DCC: variants seen among roughly 807,000 people sequenced by gnomAD.
The protein encoded by DCC is DCC netrin 1 receptor.
DCC carries 58 observed loss-of-function variants against 172.5 expected under a neutral mutation model. The observed-to-expected ratio is 0.34, with a 90% CI of 0.27 to 0.42. DCC has a LOEUF of 0.42. Among genes scored for constraint, DCC ranks in the 10% least tolerant of loss-of-function variants. The pLI is 1.00. For missense variants in DCC, 1,740 were observed against 1,791.0 expected, an observed-to-expected ratio of 0.97 and a Z score of 0.51; for synonymous variants, 709 against 644.5, an observed-to-expected ratio of 1.10 and a Z score of -1.52.
At chr18:53,205,068 T>A in intron 9 of DCC, 148 bp from the exon 10 acceptor site, 1 of 662,894 alleles carries the variant, frequency 1.5e-6, no homozygotes, top group Non-Finnish European at 2.6e-6. Flanking sequence ...CCAGAGTTTA[T>A]ATTTTTATAT....
At chr18:53,477,900 C>T (rs1125627) in intron 25 of DCC, among the ~76,000 whole-genome samples, 54,979 of 152,024 alleles carry the variant, frequency 0.36, 10,842 homozygotes, top group East Asian at 0.54. Flanking sequence ...GCCTAGTTAC[C>T]CTTACCATAA....
intron 2 of DCC, among the ~76,000 whole-genome samples, chr18:52,808,730 C>G (rs527308702): frequency 4.6e-5 from 7 of 152,106 alleles, no homozygotes; most frequent in Non-Finnish European, 8.8e-5. Context: ...TATGGAAATT[C>G]TTATGATTGA....
At chr18:53,063,612 A>G in intron 6 of DCC, 153 bp downstream of exon 6, 3 of 635,748 alleles carry the variant, frequency 4.7e-6, no homozygotes, top group Admixed American at 5.8e-5. Flanking sequence ...ATGATTTTCT[A>G]GACATAAGAA....
intron 2 of DCC, among the ~76,000 whole-genome samples, chr18:52,812,598 T>C (rs1247943478): frequency 6.6e-6 from 1 of 152,192 alleles, no homozygotes; most frequent in Admixed American, 6.5e-5. Context: ...TTTAGTTAGA[T>C]AGCCAAAACC....
intron 1 of DCC, among the ~76,000 whole-genome samples, chr18:52,391,012 AT>A (rs926405873): frequency 2.7e-3 from 407 of 151,496 alleles, no homozygotes; most frequent in Non-Finnish European, 4.9e-3. Context: ...CTTGTTACAG[AT>A]TTTTTTTTGT....
intron 1 of DCC, among the ~76,000 whole-genome samples, chr18:52,588,098 G>A (rs771951845): frequency 4.6e-5 from 7 of 152,092 alleles, no homozygotes; most frequent in Non-Finnish European, 8.8e-5. Flanking sequence ...ATAGTCAAAC[G>A]TTCAGTTTCC....
intron 18 of DCC, among the ~76,000 whole-genome samples, chr18:53,401,039 C>T (rs189213938): frequency 3.7e-4 from 57 of 152,248 alleles, no homozygotes; most frequent in Non-Finnish European, 6.3e-4. Flanking sequence ...ATCTTAGCTT[C>T]CTATTCATAG....
intron 7 of DCC, among the ~76,000 whole-genome samples, chr18:53,078,107 A>G (rs2042747092): frequency 6.6e-6 from 1 of 152,174 alleles, no homozygotes; most frequent in Admixed American, 6.6e-5. Context: ...ATTATTCAAT[A>G]TTTATCGAGT....
chr18:52,411,288 G>A (rs1267262482), intron 1 of DCC, among the ~76,000 whole-genome samples: 1 of 152,016 alleles, frequency 6.6e-6, no homozygotes, highest in Non-Finnish European at 1.5e-5. Flanking sequence ...GGCATCTCTC[G>A]GGAAGTCTCT....
chr18:52,845,535 T>C (rs1392730919), intron 2 of DCC, among the ~76,000 whole-genome samples: 7 of 152,034 alleles, frequency 4.6e-5, no homozygotes, highest in African/African-American at 1.4e-4. Flanking sequence ...TCTAAACAAT[T>C]AGAGGCTGCA....
intron 3 of DCC, 59 bp downstream of exon 3, chr18:52,906,387 A>C (rs2039882331): frequency 1.3e-6 from 2 of 1,561,984 alleles, no homozygotes; most frequent in South Asian, 2.2e-5. Flanking sequence ...GTTGAAAAAC[A>C]ATTTTTTTCT....
chr18:52,815,936 TTTA>T (rs147708119), intron 2 of DCC, among the ~76,000 whole-genome samples: 6,242 of 152,266 alleles, frequency 0.041, 223 homozygotes, highest in South Asian at 0.17. Context: ...AGAGAACAAC[TTTA>T]TTAGGCTACA....
chr18:53,038,085 T>C (rs1427248767), intron 5 of DCC, among the ~76,000 whole-genome samples: 1 of 152,000 alleles, frequency 6.6e-6, no homozygotes, highest in Non-Finnish European at 1.5e-5. Context: ...TTAGCGCTGT[T>C]ATCTTTTGAT....
At chr18:52,609,556 G>C (rs903860638) in intron 1 of DCC, among the ~76,000 whole-genome samples, 9 of 151,966 alleles carry the variant, frequency 5.9e-5, no homozygotes, top group African/African-American at 1.9e-4. Flanking sequence ...TATTTGCTTG[G>C]CACCTATAAG....
intron 12 of DCC, among the ~76,000 whole-genome samples, chr18:53,274,832 C>T (rs2056787935): frequency 6.6e-6 from 1 of 152,062 alleles, no homozygotes; most frequent in East Asian, 1.9e-4. Context: ...TTTAGAAATA[C>T]AGTCTCAATC....
At chr18:53,242,804 G>A (rs1032477391) in intron 12 of DCC, among the ~76,000 whole-genome samples, 89 of 152,000 alleles carry the variant, frequency 5.9e-4, no homozygotes, top group African/African-American at 2.0e-3. Context: ...ACTTTTTATA[G>A]GCACTGAATA....
At chr18:52,730,385 T>C (rs1302518824) in intron 1 of DCC, among the ~76,000 whole-genome samples, 1 of 152,176 alleles carries the variant, frequency 6.6e-6, no homozygotes, top group Non-Finnish European at 1.5e-5. Context: ...CCTAGGTGCA[T>C]GAACTTTGAG....
At chr18:52,892,943 T>C (rs904298604) in intron 2 of DCC, among the ~76,000 whole-genome samples, 5 of 152,152 alleles carry the variant, frequency 3.3e-5, no homozygotes, top group Non-Finnish European at 5.9e-5. Context: ...ATTATTTCTG[T>C]TGGGATTTCT....
intron 1 of DCC, among the ~76,000 whole-genome samples, chr18:52,518,172 A>G (rs1187241727): frequency 6.6e-6 from 1 of 152,214 alleles, no homozygotes; most frequent in Non-Finnish European, 1.5e-5. Context: ...CAGTAATACA[A>G]ATAATTCCTG....
Sources: allele counts gnomAD v4.1 joint callset (sites outside exome capture counted in the v4.1 genomes callset), GRCh38; gene constraint gnomAD v4.1.1; transcripts MANE v1.5; gene names NCBI Gene and HGNC (gene_info 2026-07-23, HGNC 2026-07-21).